ARHGEF4: variants seen among roughly 807,000 people sequenced by gnomAD.
The protein encoded by ARHGEF4 is Rho guanine nucleotide exchange factor 4, also known as APC-stimulated guanine nucleotide exchange factor 1.
A neutral mutation model predicts 162.0 loss-of-function variants in ARHGEF4; 119 were observed. That is an observed-to-expected ratio of 0.73 (90% confidence interval 0.63 to 0.86). ARHGEF4 has a LOEUF of 0.86. Among genes scored for constraint, ARHGEF4 ranks in the 40% least tolerant of loss-of-function variants. The pLI, the probability that ARHGEF4 is intolerant of heterozygous loss-of-function variation, is 0.00. For missense variants in ARHGEF4, 2,488 were observed against 2,456.0 expected (o/e 1.01, Z -0.28); for synonymous variants, 1,014 against 979.9 (o/e 1.03, Z -0.65).
chr2:131,006,332 A>T (rs774636438), intron 4 of ARHGEF4, among the ~76,000 whole-genome samples: 4 of 152,212 alleles, frequency 2.6e-5, no homozygotes, highest in Non-Finnish European at 5.9e-5. Flanking sequence ...CCTTTGACCT[A>T]CAGAAACAGA....
intron 1 of ARHGEF4, among the ~76,000 whole-genome samples, chr2:130,907,047 C>T (rs1053675442): frequency 3.9e-5 from 6 of 152,128 alleles, no homozygotes; most frequent in African/African-American, 1.4e-4. Context: ...GTCCCCAGCC[C>T]TTGGAAACCC....
At chr2:130,930,611 C>A in intron 2 of ARHGEF4, among the ~76,000 whole-genome samples, 1 of 152,136 alleles carries the variant, frequency 6.6e-6, no homozygotes, top group East Asian at 1.9e-4. Context: ...TAAACGGGAA[C>A]TTTTACCCCA....
At chr2:131,011,220 A>G (rs1473276420) in intron 4 of ARHGEF4, among the ~76,000 whole-genome samples, 1 of 152,220 alleles carries the variant, frequency 6.6e-6, no homozygotes, top group Non-Finnish European at 1.5e-5. Flanking sequence ...GTAAAACAAA[A>G]TAGTCCAGGC....
rs562959452 is a variant in ARHGEF4 at position 131,046,358 on chromosome 2, T to C, written c.*169T>C. 6.9e-4 allele frequency: 482 copies of C among 696,014 alleles called. 7 individuals carry two copies. Among genetic ancestry groups the C allele is most frequent in the South Asian group, 6.4e-3 (326 of 51,156 alleles). The allele number at this position is 696,014 out of a possible 1,614,324, so 43.1% of individuals were successfully genotyped here. On this transcript the variant is annotated 3_prime_UTR_variant, in exon 14 of 14. Transcript: ENST00000409359. ...GCCAGGTCTGTACTCCTGTTGTCTT[T>C]TTCCCTGCTCCTGGTGCCCTGAAGA... is the stretch of plus-strand genomic sequence containing the variant.
chr2:130,988,665 G>A (rs971761369), intron 4 of ARHGEF4, among the ~76,000 whole-genome samples: 2 of 151,938 alleles, frequency 1.3e-5, no homozygotes, highest in Non-Finnish European at 2.9e-5. Flanking sequence ...ATAATATATT[G>A]TGGGATTCAC....
intron 1 of ARHGEF4, among the ~76,000 whole-genome samples, chr2:130,849,834 G>A (rs1221938772): frequency 1.3e-5 from 2 of 152,034 alleles, no homozygotes; most frequent in African/African-American, 2.4e-5. Context: ...CAAAGTGCTG[G>A]GATTACAGGC....
chr2:130,837,095 G>A, intron 1 of ARHGEF4, 103 bp downstream of exon 1: 1 of 1,097,858 alleles, frequency 9.1e-7, no homozygotes, highest in Non-Finnish European at 1.2e-6. Flanking sequence ...CCGTCCCCTG[G>A]GCACCCGGTG....
At chr2:130,852,976 G>C (rs1019951494) in intron 1 of ARHGEF4, among the ~76,000 whole-genome samples, 1 of 152,222 alleles carries the variant, frequency 6.6e-6, no homozygotes, top group African/African-American at 2.4e-5. Flanking sequence ...GGTGGGGCCT[G>C]CCACCTGGGC....
chr2:130,914,996 T>C lies in ARHGEF4; in HGVS notation c.1050T>C (p.Asp350=). 6.4e-7 allele frequency: 1 copy of C among 1,550,450 alleles called. No individual in the cohort carries two copies. The highest frequency in any genetic ancestry group is 8.7e-7 in the Non-Finnish European group (1 of 1,146,972). The change falls in exon 2 of 14, where the codon GAT becomes GAC. Residue 350 remains aspartate, a synonymous_variant. Transcript: ENST00000409359. Reference sequence around the variant, plus strand: ...GGTTTTCACCAGAGTGCCCCGAGGATCCCGTGGGACAGAATGTTGTGAAGT... The same window carrying C: ...GGTTTTCACCAGAGTGCCCCGAGGACCCCGTGGGACAGAATGTTGTGAAGT... ...IAGFSPECPE[D]PVGQNVVKSG... is the part of the protein sequence containing the mutation.
chr2:130,996,566 C>T (rs1045087348), intron 4 of ARHGEF4, among the ~76,000 whole-genome samples: 8 of 152,138 alleles, frequency 5.3e-5, no homozygotes, highest in African/African-American at 1.9e-4. Flanking sequence ...CCTGGATTGC[C>T]TTCAACTGTC....
At chr2:131,006,380 G>T (rs13032375) in intron 4 of ARHGEF4, among the ~76,000 whole-genome samples, 20,377 of 152,190 alleles carry the variant, frequency 0.13, 1,475 homozygotes, top group South Asian at 0.21. Flanking sequence ...TAAATGCAGG[G>T]TAATTTGTTT....
chr2:130,899,795 G>A (rs189700442), intron 1 of ARHGEF4, among the ~76,000 whole-genome samples: 79 of 152,278 alleles, frequency 5.2e-4, no homozygotes, highest in African/African-American at 1.9e-3. Flanking sequence ...GTGGGAGGGC[G>A]ATGGGTTACA....
chr2:131,027,414 A>T (rs1454087857), intron 4 of ARHGEF4, among the ~76,000 whole-genome samples: 1 of 152,176 alleles, frequency 6.6e-6, no homozygotes, highest in East Asian at 1.9e-4. Flanking sequence ...GGGAGATGGG[A>T]ATGGGACTGG....
At chr2:130,963,696 C>A (rs1684780779) in intron 4 of ARHGEF4, 1 of 146,336 alleles carries the variant, frequency 6.8e-6, no homozygotes, top group African/African-American at 2.5e-5. Context: ...GCCCGCGACC[C>A]GCACTGGGGT....
chr2:130,887,661 A>C (rs975649183), intron 1 of ARHGEF4, among the ~76,000 whole-genome samples: 3 of 152,128 alleles, frequency 2.0e-5, no homozygotes, highest in Admixed American at 2.0e-4. Flanking sequence ...TGAAAACAAC[A>C]ACAAAATGAC....
At chr2:131,031,946 G>A (rs575415170) in intron 5 of ARHGEF4, among the ~76,000 whole-genome samples, 6 of 152,322 alleles carry the variant, frequency 3.9e-5, no homozygotes, top group Non-Finnish European at 7.4e-5. Context: ...CCACCACCGT[G>A]TGGGCAGTGC....
At chr2:130,869,858 C>G (rs1678341362) in intron 1 of ARHGEF4, among the ~76,000 whole-genome samples, 1 of 152,180 alleles carries the variant, frequency 6.6e-6, no homozygotes, top group Non-Finnish European at 1.5e-5. Flanking sequence ...GCTTGGGGGC[C>G]AGAGGCTCAG....
chr2:130,956,837 A>C, intron 4 of ARHGEF4, among the ~76,000 whole-genome samples: 1 of 110,406 alleles, frequency 9.1e-6, no homozygotes, highest in Non-Finnish European at 1.8e-5. Flanking sequence ...GGGAGGGGGG[A>C]GGGATAGCAT....
chr2:130,963,604 C>G (rs1684769458), intron 4 of ARHGEF4: 1 of 148,058 alleles, frequency 6.8e-6, no homozygotes, highest in African/African-American at 2.4e-5. Flanking sequence ...GCACCGAGGA[C>G]GACCCGGAGC....
Sources: gnomAD v4.1 joint callset for allele counts (sites outside exome capture counted in the v4.1 genomes callset) on GRCh38, gnomAD v4.1.1 for gene constraint, MANE v1.5 for transcripts, NCBI Gene and HGNC (gene_info 2026-07-23, HGNC 2026-07-21) for gene names.